CCDC160: variants seen among roughly 807,000 people sequenced by gnomAD.
CCDC160 encodes the protein coiled-coil domain containing 160.
For synonymous variants in CCDC160, 94 were observed against 79.4 expected, an observed-to-expected ratio of 1.18 and a Z score of -0.98; for missense variants, 227 against 215.6, an observed-to-expected ratio of 1.05 and a Z score of -0.33.
chrX:134,238,367 C>CTTTTTTTT, intron 1 of CCDC160, among the ~76,000 whole-genome samples: 1 of 75,535 alleles, frequency 1.3e-5, no homozygotes, highest in Non-Finnish European at 2.5e-5. Flanking sequence ...TATCACTTGT[C>CTTTTTTTT]TTTTTTTTTT....
intron 1 of CCDC160, among the ~76,000 whole-genome samples, chrX:134,241,900 G>A (rs2077028562): frequency 1.8e-5 from 2 of 112,112 alleles, no homozygotes; most frequent in Non-Finnish European, 3.8e-5. Flanking sequence ...GGGTAGAGGA[G>A]TGTCATTGCC....
exon 2 of CCDC160, chrX:134,245,107 G>A (rs1569477887): frequency 8.4e-7 from 1 of 1,189,913 alleles, no homozygotes; most frequent in East Asian, 3.0e-5. Flanking sequence ...ATCATCTAAT[G>A]TGGATGTTAC....
intron 1 of CCDC160, among the ~76,000 whole-genome samples, chrX:134,240,918 C>A (rs887319695): frequency 3.7e-5 from 4 of 108,729 alleles, no homozygotes; most frequent in African/African-American, 1.3e-4. Flanking sequence ...ATCAAGTTAT[C>A]CTTCCGCCTC....
At chrX:134,239,056 C>A (rs1357369584) in intron 1 of CCDC160, among the ~76,000 whole-genome samples, 1 of 111,774 alleles carries the variant, frequency 8.9e-6, no homozygotes, top group Admixed American at 9.5e-5. Context: ...AAAATACCAT[C>A]CCCCAAAACT....
chrX:134,242,689 T>G (rs2077031249), intron 1 of CCDC160, among the ~76,000 whole-genome samples: 1 of 110,803 alleles, frequency 9.0e-6, no homozygotes, highest in African/African-American at 3.3e-5. Context: ...AAGAGTTTTT[T>G]ATTTTAACCT....
chrX:134,237,457 C>T (rs2077013428), intron 1 of CCDC160, 114 bp downstream of exon 1: 1 of 112,953 alleles, frequency 8.9e-6, no homozygotes, highest in African/African-American at 3.2e-5. Flanking sequence ...CGCACCCCAA[C>T]CCCCACTGCA....
rs1007857969 is a variant in CCDC160 at position 134,244,864 on chromosome X, G to A, written c.64G>A (p.Val22Ile). The A allele has an allele frequency of 2.5e-6, 3 of 1,195,954 alleles. No homozygotes were observed. In the African/African-American group the frequency reaches 5.3e-5, roughly 21 times the overall value. ...TACTCCTTTTTTTAGTGCACAAGATGTTCTAGAAGAGACTTCTGAGCCTGA... is the reference window on the plus strand; with the variant it reads ...TACTCCTTTTTTTAGTGCACAAGATATTCTAGAAGAGACTTCTGAGCCTGA... Residue 22 changes from valine (V) to isoleucine (I), a missense_variant, in exon 2 of 2, where the codon GTT (valine) becomes ATT (isoleucine). Coordinates refer to ENST00000370809, the Ensembl canonical transcript of CCDC160.
intron 1 of CCDC160, 127 bp from the exon 3 acceptor site, chrX:134,244,650 T>TAG (rs1306491096): frequency 1.6e-6 from 1 of 614,595 alleles, no homozygotes; most frequent in Admixed American, 5.0e-5. Context: ...TTCAGTGAGT[T>TAG]AGAGAGAGAG....
chrX:134,245,511 G>A (rs776017667), exon 2 of CCDC160: 4 of 1,193,617 alleles, frequency 3.4e-6, no homozygotes, highest in Non-Finnish European at 4.5e-6. Flanking sequence ...TGAACCTAGA[G>A]AACAGAAATT....
chrX:134,241,174 T>C (rs745603535), intron 1 of CCDC160, among the ~76,000 whole-genome samples: 116 of 111,589 alleles, frequency 1.0e-3, no homozygotes, highest in African/African-American at 3.6e-3. Flanking sequence ...GAGTAAACAG[T>C]AGTGTATTAT....
chrX:134,238,750 G>A (rs1156744260), intron 1 of CCDC160: 1 of 111,801 alleles, frequency 8.9e-6, no homozygotes, highest in Admixed American at 9.6e-5. Context: ...CTGATTACAG[G>A]GAGGGAGGCG....
intron 1 of CCDC160, among the ~76,000 whole-genome samples, chrX:134,240,002 T>A (rs776599685): frequency 8.9e-6 from 1 of 112,080 alleles, no homozygotes; most frequent in East Asian, 2.8e-4. Flanking sequence ...CCATCTTAAC[T>A]TCAGACAGTT....
chrX:134,245,305 G>C, exon 2 of CCDC160: 1 of 1,184,135 alleles, frequency 8.4e-7, no homozygotes, highest in Non-Finnish European at 1.1e-6. Flanking sequence ...AGAGGAATTT[G>C]AAAATGCTGA....
intron 1 of CCDC160, among the ~76,000 whole-genome samples, chrX:134,242,482 T>C (rs1291703501): frequency 9.1e-6 from 1 of 110,496 alleles, no homozygotes; most frequent in Non-Finnish European, 1.9e-5. Flanking sequence ...AGTAGCTATA[T>C]AGGCTTCACT....
rs933591223 is a variant in CCDC160 at position 134,244,950 on chromosome X, G to T, written c.150G>T (p.Leu50Phe). 8.3e-7 allele frequency: 1 copy of T among 1,200,428 alleles called. No individual in the cohort carries two copies. Among genetic ancestry groups the T allele is most frequent in the African/African-American group, 1.7e-5 (1 of 57,604 alleles). ...AGGGAATGGAAGAAATTTATAATTT[G>T]TCCAGTAGAAAGTTTCAGGAAGAAA... Residue 50 changes from leucine to phenylalanine, a missense_variant, in exon 2 of 2, where the codon TTG (leucine) becomes TTT (phenylalanine). Coordinates refer to ENST00000370809, the Ensembl canonical transcript of CCDC160.
At chrX:134,241,560 G>A (rs2077027595) in intron 1 of CCDC160, among the ~76,000 whole-genome samples, 2 of 112,144 alleles carry the variant, frequency 1.8e-5, no homozygotes, top group African/African-American at 3.2e-5. Context: ...AGACACATAC[G>A]CCTTAACAGT....
intron 1 of CCDC160, among the ~76,000 whole-genome samples, chrX:134,239,237 T>A (rs2077020009): frequency 8.9e-6 from 1 of 112,084 alleles, no homozygotes; most frequent in Non-Finnish European, 1.9e-5. Context: ...CATATTTGTA[T>A]AATAAAGGTC....
chrX:134,245,624 G>A lies in CCDC160; in HGVS notation c.824G>A (p.Arg275His), dbSNP rs371206406. 7.9e-5 allele frequency: 96 copies of A among 1,207,652 alleles called. No homozygotes were observed. The African/African-American group carries it at 1.5e-3, about 19-fold the overall frequency. ...TATGAATTAGAAATGGCAAAGATCC[G>A]CGGAGAGCTCAGTGTCATCAAGAAT... The change falls in exon 2 of 2, where the codon CGC becomes CAC. Residue 275 changes from arginine to histidine, a missense_variant. Arg to His is a conservative substitution (Grantham distance 29, BLOSUM62 0). Transcript: ENST00000370809.
downstream of CCDC160, chrX:134,245,960 G>A (rs1395941563): frequency 1.1e-5 from 4 of 352,342 alleles, no homozygotes. Flanking sequence ...TGAAGTTATT[G>A]CAGGAATACA....
Sources: allele counts gnomAD v4.1 joint callset (sites outside exome capture counted in the v4.1 genomes callset), GRCh38; gene constraint gnomAD v4.1.1; transcripts MANE v1.5; gene names NCBI Gene and HGNC (gene_info 2026-07-23, HGNC 2026-07-21).